The following ROBO2 variants were observed in gnomAD, a reference collection of about 807,000 sequenced individuals.
The protein encoded by ROBO2 is roundabout guidance receptor 2, also known as roundabout homolog 2.
A neutral mutation model predicts 160.8 loss-of-function variants in ROBO2; 53 were observed. That is an observed-to-expected ratio of 0.33 (90% CI 0.26 to 0.41). The LOEUF (loss-of-function observed/expected upper bound fraction) is 0.41, where lower values mean the gene tolerates loss of function less well. Ranked by LOEUF, ROBO2 falls within the 10% of genes least tolerant of loss-of-function variation. The pLI, the probability that ROBO2 is intolerant of heterozygous loss-of-function variation, is 1.00. For missense variants in ROBO2, 1,577 were observed against 1,722.4 expected (o/e 0.92, Z 1.49); for synonymous variants, 664 against 611.7 (o/e 1.09, Z -1.26).
chr3:77,331,177 A>C (rs1446029166), intron 2 of ROBO2, among the ~76,000 whole-genome samples: 1 of 152,230 alleles, frequency 6.6e-6, no homozygotes. Flanking sequence ...CGGTAATTAC[A>C]GTGTTTCTTG....
At chr3:77,399,241 G>A (rs2075578800) in intron 2 of ROBO2, among the ~76,000 whole-genome samples, 1 of 152,136 alleles carries the variant, frequency 6.6e-6, no homozygotes, top group Non-Finnish European at 1.5e-5. Flanking sequence ...GAATGATAAA[G>A]AGAATTAAGT....
At chr3:76,898,384 CT>C (rs2148858911) in intron 2 of ROBO2, among the ~76,000 whole-genome samples, 2 of 151,906 alleles carry the variant, frequency 1.3e-5, no homozygotes, top group South Asian at 4.2e-4. Context: ...ATTAATTTAC[CT>C]TTTTAAAAGA....
intron 2 of ROBO2, among the ~76,000 whole-genome samples, chr3:76,735,499 C>T (rs2093694006): frequency 6.6e-6 from 1 of 152,058 alleles, no homozygotes; most frequent in Admixed American, 6.5e-5. Flanking sequence ...CAGTGTCTCA[C>T]GCCTGTAATC....
At chr3:77,574,149 G>A (rs1005098547) in intron 13 of ROBO2, among the ~76,000 whole-genome samples, 1 of 152,018 alleles carries the variant, frequency 6.6e-6, no homozygotes, top group East Asian at 1.9e-4. Context: ...GCAGAAAATG[G>A]GTAAGCAGAG....
intron 2 of ROBO2, among the ~76,000 whole-genome samples, chr3:77,454,397 T>C (rs1184471408): frequency 6.6e-6 from 1 of 152,190 alleles, no homozygotes; most frequent in Non-Finnish European, 1.5e-5. Flanking sequence ...CATGCCCTTA[T>C]GCTAAATCCC....
intron 22 of ROBO2, 88 bp from the exon 24 acceptor site, chr3:77,622,139 G>C: frequency 8.6e-7 from 1 of 1,166,670 alleles, no homozygotes; most frequent in Non-Finnish European, 1.3e-6. Context: ...GACAGTATGA[G>C]TTACTATAGC....
At chr3:75,931,915 C>A (rs1489714378) in intron 1 of ROBO2, among the ~76,000 whole-genome samples, 1 of 152,110 alleles carries the variant, frequency 6.6e-6, no homozygotes, top group Non-Finnish European at 1.5e-5. Context: ...ACTAAGATAA[C>A]ATCTGATACA....
At chr3:76,863,186 A>G (rs1309022652) in intron 2 of ROBO2, among the ~76,000 whole-genome samples, 2 of 152,138 alleles carry the variant, frequency 1.3e-5, no homozygotes, top group South Asian at 2.1e-4. Context: ...ATTCCTTGCA[A>G]TTTCTGGAAG....
At chr3:77,461,592 A>T (rs1209051403) in intron 2 of ROBO2, among the ~76,000 whole-genome samples, 1 of 152,020 alleles carries the variant, frequency 6.6e-6, no homozygotes, top group Admixed American at 6.6e-5. Flanking sequence ...TATGAAATAT[A>T]AAAGACATAG....
intron 2 of ROBO2, among the ~76,000 whole-genome samples, chr3:76,781,560 C>G (rs2062646675): frequency 1.3e-5 from 2 of 150,798 alleles, no homozygotes; most frequent in South Asian, 4.1e-4. Context: ...TTATGTTGTA[C>G]ATTTCTTCTA....
intron 2 of ROBO2, among the ~76,000 whole-genome samples, chr3:76,210,766 A>G (rs1160580933): frequency 6.6e-6 from 1 of 152,150 alleles, no homozygotes; most frequent in Non-Finnish European, 1.5e-5. Flanking sequence ...TGCAAGTTGC[A>G]CAAAGAACTT....
chr3:77,008,343 G>A (rs557790524), intron 2 of ROBO2, among the ~76,000 whole-genome samples: 1 of 152,248 alleles, frequency 6.6e-6, no homozygotes, highest in African/African-American at 2.4e-5. Flanking sequence ...GTTTAAAAAT[G>A]TTGGTTTTTT....
intron 1 of ROBO2, among the ~76,000 whole-genome samples, chr3:77,068,308 G>A (rs1388923708): frequency 6.6e-6 from 1 of 151,998 alleles, no homozygotes; most frequent in Non-Finnish European, 1.5e-5. Flanking sequence ...GTGTTTGAAA[G>A]GAAATAAAAC....
chr3:77,056,224 T>C (rs1328775863), intron 1 of ROBO2, among the ~76,000 whole-genome samples: 6 of 152,216 alleles, frequency 3.9e-5, no homozygotes, highest in Admixed American at 6.5e-5. Context: ...TTCTCTAATG[T>C]AGCTAAGACT....
chr3:77,038,877 G>A (rs1180338769), upstream of ROBO2, among the ~76,000 whole-genome samples: 2 of 152,188 alleles, frequency 1.3e-5, no homozygotes, highest in Non-Finnish European at 2.9e-5. Context: ...GCTCAGCTGG[G>A]CTTTCGGCTT....
intron 1 of ROBO2, among the ~76,000 whole-genome samples, chr3:75,915,027 T>C (rs1173732612): frequency 6.6e-6 from 1 of 152,190 alleles, no homozygotes; most frequent in East Asian, 1.9e-4. Context: ...TTGGTATGAG[T>C]ATAAGACTGT....
intron 2 of ROBO2, among the ~76,000 whole-genome samples, chr3:77,098,858 A>T (rs1311893064): frequency 8.0e-6 from 1 of 124,668 alleles, no homozygotes; most frequent in African/African-American, 4.9e-5. Flanking sequence ...TCCGTCTCAA[A>T]AAAACAAACA....
At chr3:76,646,698 C>T (rs1396795995) in intron 2 of ROBO2, among the ~76,000 whole-genome samples, 1 of 152,090 alleles carries the variant, frequency 6.6e-6, no homozygotes, top group Non-Finnish European at 1.5e-5. Flanking sequence ...GCTTTGCTGA[C>T]GTCTTTACCT....
At chr3:77,616,546 G>A (rs1463133771) in intron 21 of ROBO2, among the ~76,000 whole-genome samples, 1 of 152,146 alleles carries the variant, frequency 6.6e-6, no homozygotes, top group Non-Finnish European at 1.5e-5. Context: ...GGAAAGTGAT[G>A]TGTGATTGTG....
Sources: allele counts gnomAD v4.1 joint callset (sites outside exome capture counted in the v4.1 genomes callset), GRCh38; gene constraint gnomAD v4.1.1; transcripts MANE v1.5; gene names NCBI Gene and HGNC (gene_info 2026-07-23, HGNC 2026-07-21).